GRIN2C: variants seen among roughly 807,000 people sequenced by gnomAD.
The protein encoded by GRIN2C is glutamate ionotropic receptor NMDA type subunit 2C, also known as glutamate receptor ionotropic, NMDA 2C.
Under a neutral mutation model 77.7 loss-of-function variants are expected in GRIN2C, and 64 were observed. That is an observed-to-expected ratio of 0.82 (90% CI 0.67 to 1.01). GRIN2C has a LOEUF of 1.01. Ranked by LOEUF, GRIN2C falls within the 50% of genes least tolerant of loss-of-function variation. The probability of loss-of-function intolerance (pLI) is 0.00; values close to 1 mark genes in which losing one functional copy is unlikely to be tolerated. For missense variants in GRIN2C, 1,549 were observed against 1,486.0 expected (o/e 1.04, Z -0.70); for synonymous variants, 792 against 643.4 (o/e 1.23, Z -3.49).
chr17:74,843,012 A>G lies in GRIN2C; in HGVS notation c.3125T>C (p.Phe1042Ser). Residue 1042 changes from phenylalanine to serine, a missense_variant, in exon 13 of 13, where the codon TTC (phenylalanine) becomes TCC (serine). Phe to Ser is a radical substitution (Grantham distance 155). Transcript: ENST00000293190. ...CTCCAGCTCCGGGAAGAGCGGGAGGAAGGGGCGGCCGGATCGGTCGGCTCG... is the reference window on the plus strand; with the variant it reads ...CTCCAGCTCCGGGAAGAGCGGGAGGGAGGGGCGGCCGGATCGGTCGGCTCG... ...FPRADRSGRP[F>S]LPLFPELEDL... 1 of 506,010 alleles carries G rather than the reference A, an allele frequency of 2.0e-6. No homozygotes were observed. The highest frequency in any genetic ancestry group is 3.5e-6 in the Non-Finnish European group (1 of 284,838). 31.3% of individuals were successfully genotyped at this position (506,010 alleles called of 1,614,324 possible).
chr17:74,851,777 G>T, intron 3 of GRIN2C, 86 bp from the exon 4 acceptor site: 1 of 848,350 alleles, frequency 1.2e-6, no homozygotes, highest in Non-Finnish European at 1.9e-6. Flanking sequence ...ACAGCAGGTG[G>T]CATTGATTGT....
intron 2 of GRIN2C, 164 bp from the exon 3 acceptor site, chr17:74,852,775 T>TC: frequency 2.2e-6 from 1 of 462,122 alleles, no homozygotes; most frequent in Non-Finnish European, 3.8e-6. Flanking sequence ...CCAATGTGGT[T>TC]CCCCGCTGCC....
Position 74,850,582 on chromosome 17 carries a change from G to T in GRIN2C, c.1299C>A (p.Cys433Ter), listed in dbSNP as rs770194088. Residue 433 changes from cysteine to a stop codon, truncating the protein, a stop_gained, in exon 5 of 13, where the codon TGC becomes TGA. Transcript: ENST00000293190. LOFTEE classifies it high-confidence loss of function. This position sits in a 1 kb window ranked among gnomAD's most constrained non-coding sequence, Gnocchi z 5.3. ...TGGCVPNTVPCRRQSNHTFSS... is the reference protein window; with the variant it reads ...TGGCVPNTVP ...TGAAGGTGTGGTTGCTCTGCCTGCG[G>T]CAGGGCACGGTGTTGGGGACACAGC... 6.2e-7 allele frequency: 1 copy of T among 1,613,598 alleles called. No individual in the cohort carries two copies. Among genetic ancestry groups the T allele is most frequent in the East Asian group, 2.2e-5 (1 of 44,886 alleles).
Position 74,852,447 on chromosome 17 carries a change from G to A in GRIN2C, c.564C>T (p.Ala188=), listed in dbSNP as rs558178478. 1.3e-6 allele frequency: 2 copies of A among 1,544,084 alleles called. No individual in the cohort carries two copies. Among genetic ancestry groups the A allele is most frequent in the South Asian group, 2.4e-5 (2 of 84,086 alleles). ...CCAGCAGCCGCCAACTCACGTGGCT[G>A]GCGTCGGCGACGGCGCGCACGCCCT... is the stretch of plus-strand genomic sequence containing the variant. ...FLEGVRAVAD[A]SHVSWRLLDV... is the part of the protein sequence containing the mutation. The change falls in exon 3 of 13, where the codon GCC becomes GCT. Residue 188 remains alanine (A), a synonymous_variant. Coordinates refer to ENST00000293190, the MANE Select transcript of GRIN2C (RefSeq NM_000835.6).
rs1259064204 is a variant in GRIN2C at position 74,850,111 on chromosome 17, C to T, written c.1491+95G>A. 7.0e-6 allele frequency: 10 copies of T among 1,428,602 alleles called. No individual in the cohort carries two copies. In the East Asian group the frequency reaches 1.6e-4, roughly 23 times the overall value. 88.5% of individuals were successfully genotyped at this position (1,428,602 alleles called of 1,614,324 possible). ...CCAGGAGTCATCATTGGTGACAGCC[C>T]ATGCCCCCCTCTAGAGGGCATCTGA... On this transcript the variant is annotated intron_variant, in intron 6 of 12. Coordinates refer to ENST00000293190, the MANE Select transcript of GRIN2C (RefSeq NM_000835.6). This position sits in a 1 kb window ranked among gnomAD's most constrained non-coding sequence, Gnocchi z 5.3.
intron 11 of GRIN2C, 115 bp from the exon 12 acceptor site, chr17:74,844,623 T>A (rs1482991432): frequency 6.8e-7 from 1 of 1,472,954 alleles, no homozygotes. Flanking sequence ...TGCCACCCAC[T>A]TCTTCCTCAA....
chr17:74,857,594 T>C (rs1211082901), intron 1 of GRIN2C, among the ~76,000 whole-genome samples: 1 of 152,212 alleles, frequency 6.6e-6, no homozygotes, highest in African/African-American at 2.4e-5. Context: ...GACATGCTTG[T>C]CGCTCCCCTT....
rs766438237 is a variant in GRIN2C at position 74,844,287 on chromosome 17, C to T, written c.2572G>A (p.Ala858Thr). Residue 858 changes from alanine to threonine, a missense_variant, in exon 12 of 13, where the codon GCT becomes ACT. This residue lies in a region of GRIN2C where 450 missense variants were observed against 267.9 expected (regional missense o/e 1.68). Transcript: ENST00000293190. ...GGGTGGGCACCCACCCTGCTGAAAGCCAGCAGGAAGTCCAGCTGGGATGAG... is the reference window on the plus strand; with the variant it reads ...GGGTGGGCACCCACCCTGCTGAAAGTCAGCAGGAAGTCCAGCTGGGATGAG... ...PNSSQLDFLL[A>T]FSRGIYSCFS... is the part of the protein sequence containing the mutation. 6.2e-7 allele frequency: 1 copy of T among 1,613,904 alleles called. No individual in the cohort carries two copies. Among genetic ancestry groups the T allele is most frequent in the East Asian group, 2.2e-5 (1 of 44,872 alleles).
At position 74,842,775 on chromosome 17, in the gene GRIN2C, T is replaced by C. The variant is rs2037329744; in HGVS notation, c.3362A>G (p.Gln1121Arg). Reference protein sequence around the residue: ...HSACRRLAQAQSMCLPIYREA... With the variant: ...HSACRRLAQARSMCLPIYREA... ...CCGGTAGATCGGCAAGCACATCGAC[T>C]GCGCCTGCGCCAAGCGCCTGCAGGC... The change falls in exon 13 of 13, where the codon CAG becomes CGG. Residue 1121 changes from glutamine to arginine, a missense_variant. Physicochemically the swap from Gln to Arg is conservative, Grantham distance 43. This residue lies in a region of GRIN2C where 450 missense variants were observed against 267.9 expected (regional missense o/e 1.68). Transcript: ENST00000293190. 1 of 640,588 alleles carries C rather than the reference T, an allele frequency of 1.6e-6. No homozygotes were observed. Among genetic ancestry groups the C allele is most frequent in the Non-Finnish European group, 2.8e-6 (1 of 352,436 alleles). 39.7% of individuals were successfully genotyped at this position (640,588 alleles called of 1,614,324 possible). A position where few individuals can be genotyped will look rare whatever the true frequency, so the allele number is the denominator to read the frequency against.
At chr17:74,854,353 A>C in intron 2 of GRIN2C, 1 of 252,830 alleles carries the variant, frequency 4.0e-6, no homozygotes, top group Non-Finnish European at 7.6e-6. Context: ...AGGGCATGGC[A>C]CCACCTCCAT....
chr17:74,857,108 T>A (rs760561894), intron 1 of GRIN2C, among the ~76,000 whole-genome samples: 2 of 152,242 alleles, frequency 1.3e-5, no homozygotes, highest in Non-Finnish European at 2.9e-5. Context: ...ATGAGCATGC[T>A]GCTGTTAGCA....
Position 74,852,147 on chromosome 17 carries a change from CT to C in GRIN2C, c.863del (p.Lys288ArgfsTer49). 2 of 1,453,236 alleles carry C rather than the reference CT, an allele frequency of 1.4e-6. No individual in the cohort carries two copies. Among genetic ancestry groups the C allele is most frequent in the Admixed American group, 2.6e-5 (1 of 39,142 alleles). 90.0% of individuals were successfully genotyped at this position (1,453,236 alleles called of 1,614,324 possible). A position where few individuals can be genotyped will look rare whatever the true frequency, so the allele number is the denominator to read the frequency against. On this transcript the variant is annotated frameshift_variant, in exon 3 of 13. Transcript: ENST00000293190. LOFTEE classifies it high-confidence loss of function. ...CCAGAATGGCCACGCCGTCGCGCAC[CT>C]TCTGGCGCAGGCTGAGGCGCCAGCT... is the stretch of plus-strand genomic sequence containing the variant. ...TESWRLSLRQ[K>X]VRDGVAILAL... is the part of the protein sequence containing the mutation.
chr17:74,850,369 C>T lies in GRIN2C; in HGVS notation c.1328G>A (p.Ser443Asn), dbSNP rs754625590. The T allele has an allele frequency of 6.2e-7, 1 of 1,610,596 alleles. No homozygotes were observed. The highest frequency in any genetic ancestry group is 8.5e-7 in the Non-Finnish European group (1 of 1,179,878). Residue 443 changes from serine (S) to asparagine (N), a missense_variant and splice_region_variant, in exon 6 of 13, where the codon AGC becomes AAC. Physicochemically the swap from Ser to Asn is conservative, Grantham distance 46. This residue lies in a region of GRIN2C where 717 missense variants were observed against 858.1 expected (regional missense o/e 0.84). Coordinates refer to ENST00000293190, the MANE Select transcript of GRIN2C (RefSeq NM_000835.6). This position sits in a 1 kb window ranked among gnomAD's most constrained non-coding sequence, Gnocchi z 5.3. ...CRRQSNHTFS[S>N]GDVAPYTKLC... ...CTTGGTGTAGGGGGCCACGTCCCCG[C>T]TGCTGCAGCCATGCCGCCATGAGAC...
chr17:74,845,166 G>A (rs1441563615), intron 11 of GRIN2C, among the ~76,000 whole-genome samples: 2 of 151,914 alleles, frequency 1.3e-5, no homozygotes, highest in Non-Finnish European at 2.9e-5. Context: ...CTAGACTTAA[G>A]CAATCCTCAC....
chr17:74,855,312 G>C (rs976094538), intron 1 of GRIN2C, among the ~76,000 whole-genome samples: 1 of 152,198 alleles, frequency 6.6e-6, no homozygotes, highest in African/African-American at 2.4e-5. Flanking sequence ...AGCATCCCAA[G>C]GGCATCCCAG....
In GRIN2C at chr17:74,850,524, C is replaced by G; in HGVS notation, c.1325+32G>C. Reference sequence around the variant, plus strand: ...CTGACCATCACACGGCAGCACCCAGCTCACACTAGCCTCCCAGGGCCCTCC... The same window carrying G: ...CTGACCATCACACGGCAGCACCCAGGTCACACTAGCCTCCCAGGGCCCTCC... On this transcript the variant is annotated intron_variant, in intron 5 of 12. Transcript: ENST00000293190. This position sits in a 1 kb window ranked among gnomAD's most constrained non-coding sequence, Gnocchi z 5.3. The G allele has an allele frequency of 6.2e-7, 1 of 1,604,672 alleles. No homozygotes were observed. The highest frequency in any genetic ancestry group is 8.5e-7 in the Non-Finnish European group (1 of 1,172,280).
In GRIN2C at chr17:74,846,149, G is replaced by A. The variant is rs2037449384; in HGVS notation, c.2267C>T (p.Thr756Ile). ...CTGCATGGCGATGCCGTAGCCAGTG[G>A]TAGCAAAGACCTTGCCAGACCCAAT... is the stretch of plus-strand genomic sequence containing the variant. ...VTIGSGKVFATTGYGIAMQKD... is the reference protein window; with the variant it reads ...VTIGSGKVFAITGYGIAMQKD... The change falls in exon 11 of 13, where the codon ACC (threonine) becomes ATC (isoleucine). Residue 756 changes from threonine (T) to isoleucine (I), a missense_variant. Thr to Ile is a moderately conservative substitution (Grantham distance 89, BLOSUM62 -1). This residue lies in a region of GRIN2C where 717 missense variants were observed against 858.1 expected (regional missense o/e 0.84). Coordinates refer to ENST00000293190, the MANE Select transcript of GRIN2C (RefSeq NM_000835.6). This position sits in a 1 kb window ranked among gnomAD's most constrained non-coding sequence, Gnocchi z 4.4. The A allele has an allele frequency of 2.5e-6, 4 of 1,614,058 alleles. No homozygotes were observed. The highest frequency in any genetic ancestry group is 2.7e-5 in the African/African-American group (2 of 74,930).
In GRIN2C at chr17:74,850,455, C is replaced by T. The variant is rs1024945490; in HGVS notation, c.1326-84G>A. The T allele has an allele frequency of 3.5e-5, 54 of 1,564,914 alleles. No individual in the cohort carries two copies. The African/African-American group carries it at 4.3e-4, about 13-fold the overall frequency. ...CCCCAGCCACTCCTCCAGCCTGGCA[C>T]GTGGACCCCTGCCCCACACCCAAGC... is the stretch of plus-strand genomic sequence containing the variant. On this transcript the variant is annotated intron_variant, in intron 5 of 12. Coordinates refer to ENST00000293190, the MANE Select transcript of GRIN2C (RefSeq NM_000835.6). The surrounding 1 kb of genome is among the most constrained non-coding windows in gnomAD (Gnocchi z 5.3).
rs2037446156 is a variant in GRIN2C at position 74,846,084 on chromosome 17, A to G, written c.2332T>C (p.Leu778=). 6.2e-7 allele frequency: 1 copy of G among 1,614,176 alleles called. No individual in the cohort carries two copies. Among genetic ancestry groups the G allele is most frequent in the Non-Finnish European group, 8.5e-7 (1 of 1,180,002 alleles). The change falls in exon 11 of 13, where the codon TTG becomes CTG. Residue 778 remains leucine (L), a synonymous_variant. Coordinates refer to ENST00000293190, the MANE Select transcript of GRIN2C (RefSeq NM_000835.6). This position sits in a 1 kb window ranked among gnomAD's most constrained non-coding sequence, Gnocchi z 4.4. ...HWKRAIDLAL[L]QFLGDGETQK... is the part of the protein sequence containing the mutation. The stretch of plus-strand genomic sequence containing the variant: ...TACCCACCGTCCCCCAGGAACTGCA[A>G]GAGCGCCAGGTCTATGGCCCGCTTC...
Sources: allele counts gnomAD v4.1 joint callset (sites outside exome capture counted in the v4.1 genomes callset), GRCh38; gene constraint gnomAD v4.1.1; regional missense constraint gnomAD v4.1.1; non-coding constraint Gnocchi (gnomAD v3.1); transcripts MANE v1.5; gene names NCBI Gene and HGNC (gene_info 2026-07-23, HGNC 2026-07-21).